Variants in ZNF362 observed in about 807,000 individuals in gnomAD.
ZNF362 encodes zinc finger protein 362.
Under a neutral mutation model 42.9 loss-of-function variants are expected in ZNF362, and 11 were observed. That is an observed-to-expected ratio of 0.26 (90% CI 0.16 to 0.42). ZNF362 has a LOEUF of 0.42. Among genes scored for constraint, ZNF362 ranks in the 20% least tolerant of loss-of-function variants. The pLI is 1.00. For synonymous variants in ZNF362, 255 were observed against 257.3 expected (o/e 0.99, Z 0.09); for missense variants, 362 against 576.2 (o/e 0.63, Z 3.81).
chr1:33,150,376 G>C, the ZNF362 span, among the ~76,000 whole-genome samples: 1 of 152,260 alleles, frequency 6.6e-6, no homozygotes, highest in African/African-American at 2.4e-5. Flanking sequence ...CCAACAGGGA[G>C]CTACAGCCAG....
chr1:33,275,053 G>C (rs1327810402), intron 2 of ZNF362: 2 of 985,218 alleles, frequency 2.0e-6, no homozygotes, highest in Non-Finnish European at 2.4e-6. Context: ...ACTTCATTTT[G>C]GTCTTTCCTG....
intron 8 of ZNF362, among the ~76,000 whole-genome samples, chr1:33,295,884 G>A (rs576826100): frequency 3.7e-4 from 56 of 152,306 alleles, no homozygotes; most frequent in African/African-American, 1.3e-3. Context: ...CCCCGACATA[G>A]AGGTCACTGA....
the ZNF362 span, among the ~76,000 whole-genome samples, chr1:33,244,180 C>T: frequency 4.6e-5 from 7 of 151,830 alleles, no homozygotes; most frequent in South Asian, 2.1e-4. The surrounding 1 kb of genome is among the most constrained non-coding windows in gnomAD (Gnocchi z 4.0). Context: ...TTCCCCTTCC[C>T]GTCATTCCCA....
At chr1:33,216,490 C>T in the ZNF362 span, among the ~76,000 whole-genome samples, 1 of 133,998 alleles carries the variant, frequency 7.5e-6, no homozygotes, top group African/African-American at 2.7e-5. Flanking sequence ...ATCCCAGCTA[C>T]TCAGGAGGCT....
chr1:33,256,274 C>G (rs1645789144), upstream of ZNF362, among the ~76,000 whole-genome samples: 1 of 143,950 alleles, frequency 6.9e-6, no homozygotes, highest in Non-Finnish European at 1.5e-5. Context: ...GCCCGGCCCC[C>G]TCCCCTCTCG....
intron 4 of ZNF362, among the ~76,000 whole-genome samples, chr1:33,279,531 T>A (rs766847114): frequency 2.2e-4 from 33 of 152,136 alleles, no homozygotes; most frequent in Non-Finnish European, 7.4e-5. Context: ...ATTTTCATGA[T>A]TTTGTTTGCT....
At chr1:33,224,864 C>A in the ZNF362 span, among the ~76,000 whole-genome samples, 3 of 152,188 alleles carry the variant, frequency 2.0e-5, no homozygotes, top group Non-Finnish European at 4.4e-5. Flanking sequence ...AGTAGTCAAA[C>A]TTCTGAAAGC....
chr1:33,167,042 C>T, the ZNF362 span, among the ~76,000 whole-genome samples: 5 of 152,220 alleles, frequency 3.3e-5, no homozygotes, highest in Non-Finnish European at 7.3e-5. This position sits in a 1 kb window ranked among gnomAD's most constrained non-coding sequence, Gnocchi z 4.2. Context: ...TGTGCCTCCA[C>T]CATCTTGAGC....
At chr1:33,291,381 G>A (rs1646076944) in intron 6 of ZNF362, among the ~76,000 whole-genome samples, 2 of 152,188 alleles carry the variant, frequency 1.3e-5, no homozygotes, top group South Asian at 4.1e-4. Flanking sequence ...TTGTAGATGT[G>A]TGGCATTATT....
intron 8 of ZNF362, among the ~76,000 whole-genome samples, chr1:33,296,679 C>T (rs1322294215): frequency 8.5e-5 from 13 of 152,094 alleles, no homozygotes; most frequent in Non-Finnish European, 1.5e-4. Flanking sequence ...ACACTGAGTG[C>T]GAACCCCCTG....
chr1:33,136,144 TTCCTTC>T, the ZNF362 span, among the ~76,000 whole-genome samples: 1 of 147,186 alleles, frequency 6.8e-6, no homozygotes, highest in South Asian at 2.2e-4. Context: ...CCTTCCTTCC[TTCCTTC>T]CTTCCTTCCT....
chr1:33,294,206 A>G lies in ZNF362; in HGVS notation c.909-731A>G, dbSNP rs549461592. Reference sequence around the variant, plus strand: ...ACCAACACTAGGCTAAGCCCTTTACATGCATTATCTGATGTTATCTTCACA... The same window carrying G: ...ACCAACACTAGGCTAAGCCCTTTACGTGCATTATCTGATGTTATCTTCACA... On this transcript the variant is annotated intron_variant, in intron 6 of 8. Coordinates refer to ENST00000539719, the MANE Select transcript of ZNF362 (RefSeq NM_152493.3). This position sits in a 1 kb window ranked among gnomAD's most constrained non-coding sequence, Gnocchi z 4.2. 1.5e-4 allele frequency among the ~76,000 whole-genome samples: 23 copies of G among 152,324 alleles called. No homozygotes were observed. Among genetic ancestry groups the G allele is most frequent in the African/African-American group, 5.1e-4 (21 of 41,566 alleles).
At chr1:33,182,700 C>T in the ZNF362 span, among the ~76,000 whole-genome samples, 1 of 151,296 alleles carries the variant, frequency 6.6e-6, no homozygotes, top group Non-Finnish European at 1.5e-5. Flanking sequence ...TCTTGTGTGC[C>T]AGATGGAGAG....
chr1:33,180,768 C>T, the ZNF362 span, among the ~76,000 whole-genome samples: 1 of 152,254 alleles, frequency 6.6e-6, no homozygotes, highest in Non-Finnish European at 1.5e-5. Flanking sequence ...AACCGCGGAC[C>T]AGCCGGTACT....
In ZNF362 at chr1:33,276,439, C is replaced by T. The variant is rs753275203; in HGVS notation, c.194C>T (p.Ser65Leu). Residue 65 changes from serine (S) to leucine (L), a missense_variant, in exon 4 of 9, where the codon TCG (serine) becomes TTG (leucine). This residue lies in a region of ZNF362 where 266 missense variants were observed against 365.4 expected (regional missense o/e 0.73). Coordinates refer to ENST00000539719, the MANE Select transcript of ZNF362 (RefSeq NM_152493.3). ...CACCTGCCGCCCACGTCGGCCTCGT[C>T]GCAGCAGCCGTTGCTAGTGCCGCCG... Reference protein sequence around the residue: ...PPHLPPTSASSQQPLLVPPAP... With the variant: ...PPHLPPTSASLQQPLLVPPAP... 24 of 1,579,278 alleles carry T rather than the reference C, an allele frequency of 1.5e-5. No homozygotes were observed. The highest frequency in any genetic ancestry group is 1.8e-5 in the Non-Finnish European group (21 of 1,164,892).
At chr1:33,204,503 T>C in the ZNF362 span, among the ~76,000 whole-genome samples, 1 of 152,246 alleles carries the variant, frequency 6.6e-6, no homozygotes, top group Admixed American at 6.5e-5. Context: ...TTCCTATTTC[T>C]GTAAAGAATG....
chr1:33,258,762 G>A (rs1020234620), intron 1 of ZNF362, among the ~76,000 whole-genome samples: 2 of 152,126 alleles, frequency 1.3e-5, no homozygotes, highest in Non-Finnish European at 1.5e-5. Flanking sequence ...TGAGAGAATT[G>A]AACTTCACAG....
At chr1:33,238,571 A>G in the ZNF362 span, among the ~76,000 whole-genome samples, 10 of 152,068 alleles carry the variant, frequency 6.6e-5, no homozygotes, top group Middle Eastern at 3.2e-3. Flanking sequence ...ATGCAGCTAG[A>G]AAGGAAGGGT....
chr1:33,146,433 G>A, the ZNF362 span: 3 of 159,436 alleles, frequency 1.9e-5, no homozygotes, highest in South Asian at 5.4e-4. Context: ...CGATCATCCA[G>A]GGAGGCTTGT....
Sources: gnomAD v4.1 joint callset for allele counts (sites outside exome capture counted in the v4.1 genomes callset) on GRCh38, gnomAD v4.1.1 for gene constraint, gnomAD v4.1.1 regional missense constraint, Gnocchi (gnomAD v3.1) non-coding constraint, MANE v1.5 for transcripts, NCBI Gene and HGNC (gene_info 2026-07-23, HGNC 2026-07-21) for gene names.